Variants in CRISPLD2 observed in about 807,000 individuals in gnomAD.
The protein encoded by CRISPLD2 is cysteine-rich secretory protein LCCL domain-containing 2.
In CRISPLD2, 47 loss-of-function variants were observed where a neutral mutation model predicts 71.1. That is an observed-to-expected ratio of 0.66 (90% confidence interval 0.52 to 0.84). The LOEUF is 0.84. Among genes scored for constraint, CRISPLD2 ranks in the 40% least tolerant of loss-of-function variants. The probability of loss-of-function intolerance (pLI) is 0.00; values close to 1 mark genes in which losing one functional copy is unlikely to be tolerated. For synonymous variants in CRISPLD2, 317 were observed against 250.1 expected (o/e 1.27, Z -2.52); for missense variants, 830 against 651.1 (o/e 1.27, Z -2.99).
rs1174575303 is a variant in CRISPLD2, at chr16:84,838,948, G to C, written c.240+213G>C. ...CTGCCACTGACGCTGGAGTGCAATG[G>C]CACAATCGTCATGCCCTGAAACCTT... On this transcript the variant is annotated intron_variant, in intron 2 of 14. Transcript: ENST00000262424. The C allele has an allele frequency of 4.1e-6, 3 of 723,752 alleles. No individual in the cohort carries two copies. The Admixed American group carries it at 6.1e-5, about 15-fold the overall frequency. 44.8% of individuals were successfully genotyped at this position (723,752 alleles called of 1,614,324 possible). A position where few individuals can be genotyped will look rare whatever the true frequency, so the allele number is the denominator to read the frequency against.
intron 13 of CRISPLD2, among the ~76,000 whole-genome samples, chr16:84,881,070 G>C (rs1291041374): frequency 6.6e-6 from 1 of 152,098 alleles, no homozygotes; most frequent in Non-Finnish European, 1.5e-5. Context: ...CATTTCTAGA[G>C]ATAGTAGTGC....
intron 14 of CRISPLD2, among the ~76,000 whole-genome samples, chr16:84,896,975 T>A (rs2071711775): frequency 6.6e-6 from 1 of 152,104 alleles, no homozygotes; most frequent in Admixed American, 6.5e-5. Context: ...CCCGTCTGTG[T>A]GTTGGGTGAT....
chr16:84,841,929 T>A (rs1161554224), intron 2 of CRISPLD2: 1 of 152,644 alleles, frequency 6.6e-6, no homozygotes. Context: ...GTGTTGGGGA[T>A]TGGAGGGCGC....
chr16:84,824,671 G>A (rs1017671489), intron 1 of CRISPLD2, among the ~76,000 whole-genome samples: 1 of 152,156 alleles, frequency 6.6e-6, no homozygotes, highest in Non-Finnish European at 1.5e-5. Context: ...AGTAACTGTT[G>A]TTTTTACTGT....
intron 1 of CRISPLD2, among the ~76,000 whole-genome samples, chr16:84,827,402 C>T (rs1384592388): frequency 6.6e-6 from 1 of 152,046 alleles, no homozygotes; most frequent in African/African-American, 2.4e-5. Flanking sequence ...TCACCGTGGC[C>T]TTCAAGGCTG....
rs115668318 is a variant in CRISPLD2, at chr16:84,898,916, T to G, written c.1440-7672T>G. Among the ~76,000 whole-genome samples the G allele has an allele frequency of 8.4e-3, 1,286 of 152,298 alleles. 23 individuals are homozygous for G. Among genetic ancestry groups the G allele is most frequent in the African/African-American group, 0.03 (1,232 of 41,548 alleles). On this transcript the variant is annotated intron_variant, in intron 14 of 14. Coordinates refer to ENST00000262424, the MANE Select transcript of CRISPLD2 (RefSeq NM_031476.4). The stretch of plus-strand genomic sequence containing the variant: ...AGCCTCAACTGCAGTGAGCTGTGAC[T>G]GCACCGTTGTACTCCTGGGCTCACT...
At chr16:84,873,789 T>C (rs552465165) in intron 10 of CRISPLD2, 131 bp from the exon 11 acceptor site, 11 of 852,648 alleles carry the variant, frequency 1.3e-5, no homozygotes, top group East Asian at 8.0e-5. Context: ...CTCAGGCTGA[T>C]AGGAAACAAG....
chr16:84,886,627 A>C (rs2071616187), intron 13 of CRISPLD2, among the ~76,000 whole-genome samples: 1 of 152,222 alleles, frequency 6.6e-6, no homozygotes, highest in Non-Finnish European at 1.5e-5. Context: ...GTTTGAGACC[A>C]GCCTGAGCAA....
At chr16:84,868,478 C>T (rs773670708) in intron 7 of CRISPLD2, among the ~76,000 whole-genome samples, 2 of 152,214 alleles carry the variant, frequency 1.3e-5, no homozygotes, top group Non-Finnish European at 2.9e-5. Context: ...AGGAGTCCTG[C>T]CCTGCAGAGC....
At position 84,880,521 on chromosome 16, in the gene CRISPLD2, G is replaced by A. The variant is rs371283010; in HGVS notation, c.1242G>A (p.Pro414=). 3.2e-5 allele frequency: 51 copies of A among 1,613,018 alleles called. No homozygotes were observed. Among genetic ancestry groups the A allele is most frequent in the Middle Eastern group, 1.6e-4 (1 of 6,080 alleles). Reference sequence around the variant, plus strand: ...TCCTGTTTTTCAGAATCCATTGTCCGGCACACTGCAAAGACGAACCTTCCT... The same window carrying A: ...TCCTGTTTTTCAGAATCCATTGTCCAGCACACTGCAAAGACGAACCTTCCT... The part of the protein sequence containing the change: ...PATHCPRIHC[P]AHCKDEPSYW... Residue 414 remains proline, a synonymous_variant, in exon 13 of 15, where the codon CCG becomes CCA. Coordinates refer to ENST00000262424, the MANE Select transcript of CRISPLD2 (RefSeq NM_031476.4).
chr16:84,881,190 T>G (rs1256906072), intron 13 of CRISPLD2, among the ~76,000 whole-genome samples: 3 of 152,208 alleles, frequency 2.0e-5, no homozygotes, highest in Non-Finnish European at 4.4e-5. Flanking sequence ...TTCCGGCTAT[T>G]TAGTCATCTT....
At chr16:84,866,394 C>T (rs9932110) in intron 6 of CRISPLD2, among the ~76,000 whole-genome samples, 24,808 of 152,048 alleles carry the variant, frequency 0.16, 2,301 homozygotes, top group East Asian at 0.31. Flanking sequence ...CGCCACCATG[C>T]CCAGCTAATT....
chr16:84,883,883 A>G (rs867831494), intron 13 of CRISPLD2, among the ~76,000 whole-genome samples: 17 of 142,422 alleles, frequency 1.2e-4, no homozygotes, highest in African/African-American at 3.2e-4. Context: ...TTACTCTGTC[A>G]CCCAGGCTGA....
rs775634299 is a variant in CRISPLD2 at position 84,866,902 on chromosome 16, A to T, written c.715A>T (p.Thr239Ser). The T allele has an allele frequency of 6.2e-7, 1 of 1,613,858 alleles. No individual in the cohort carries two copies. The highest frequency in any genetic ancestry group is 8.5e-7 in the Non-Finnish European group (1 of 1,179,862). Reference protein sequence around the residue: ...CRNNLCYREETYTPKPETDEM... With the variant: ...CRNNLCYREESYTPKPETDEM... ...CCTCCCTCTCCAATGTTAAGAAGAA[A>T]CCTACACTCCAAAACCTGAAACGGA... is the stretch of plus-strand genomic sequence containing the variant. The change falls in exon 7 of 15, where the codon ACC becomes TCC. Residue 239 changes from threonine to serine, a missense_variant. Coordinates refer to ENST00000262424, the MANE Select transcript of CRISPLD2 (RefSeq NM_031476.4).
chr16:84,875,936 G>A (rs546272850), intron 11 of CRISPLD2, among the ~76,000 whole-genome samples: 1 of 152,150 alleles, frequency 6.6e-6, no homozygotes, highest in East Asian at 1.9e-4. Context: ...GAAGTCCCTT[G>A]ATGTACTAAA....
At chr16:84,892,311 C>A (rs1392027840) in intron 14 of CRISPLD2, among the ~76,000 whole-genome samples, 2 of 152,226 alleles carry the variant, frequency 1.3e-5, no homozygotes, top group African/African-American at 4.8e-5. Context: ...CATCGTGCTG[C>A]ATGCTCGACT....
chr16:84,834,954 G>A (rs1916580006), intron 1 of CRISPLD2, among the ~76,000 whole-genome samples: 1 of 152,108 alleles, frequency 6.6e-6, no homozygotes, highest in Admixed American at 6.5e-5. Context: ...TGGAGGTCCT[G>A]GACATTAGGG....
At chr16:84,856,269 G>A (rs1917238456) in intron 6 of CRISPLD2, among the ~76,000 whole-genome samples, 1 of 152,150 alleles carries the variant, frequency 6.6e-6, no homozygotes. Flanking sequence ...GGGAGCTCCT[G>A]TATTCCACGC....
rs1258629640 is a variant in CRISPLD2 at position 84,825,083 on chromosome 16, G to A, written c.-75+4950G>A. 4.6e-5 allele frequency among the ~76,000 whole-genome samples: 7 copies of A among 152,144 alleles called. 1 individual carries two copies. Among genetic ancestry groups the A allele is most frequent in the Admixed American group, 3.3e-4 (5 of 15,274 alleles). On this transcript the variant is annotated intron_variant, in intron 1 of 14. Coordinates refer to ENST00000262424, the MANE Select transcript of CRISPLD2 (RefSeq NM_031476.4). ...CACGCCACCACTGCACTCCAGCCTGGGTGACGGAGCGAGATGCCATTTCAA... is the reference window on the plus strand; with the variant it reads ...CACGCCACCACTGCACTCCAGCCTGAGTGACGGAGCGAGATGCCATTTCAA...
Sources: allele counts gnomAD v4.1 joint callset (sites outside exome capture counted in the v4.1 genomes callset), GRCh38; gene constraint gnomAD v4.1.1; transcripts MANE v1.5; gene names NCBI Gene and HGNC (gene_info 2026-07-23, HGNC 2026-07-21).